Variants in SPDYE12 observed in about 807,000 individuals in gnomAD.
SPDYE12 encodes the protein speedy protein E12.
At chr7:74,904,812 A>G in the SPDYE12 span, among the ~76,000 whole-genome samples, 3 of 149,160 alleles carry the variant, frequency 2.0e-5, no homozygotes, top group Non-Finnish European at 3.0e-5. Context: ...AAATAAACAT[A>G]TTTAATAAAT....
chr7:74,907,918 T>C, the SPDYE12 span, among the ~76,000 whole-genome samples: 1 of 144,518 alleles, frequency 6.9e-6, no homozygotes, highest in African/African-American at 2.5e-5. Context: ...CAAGTCTGTC[T>C]CAAAAAAAAA....
At chr7:74,907,732 G>GATAAATAAATAAATAAAAAA in the SPDYE12 span, among the ~76,000 whole-genome samples, 1 of 131,640 alleles carries the variant, frequency 7.6e-6, no homozygotes, top group Non-Finnish European at 1.6e-5. Context: ...CTCTTGTCTT[G>GATAAATAAATAAATAAAAAA]ATAAATAAAT....
the SPDYE12 span, among the ~76,000 whole-genome samples, chr7:74,914,916 T>C: frequency 3.4e-4 from 36 of 105,280 alleles, no homozygotes; most frequent in African/African-American, 1.0e-3. Context: ...AGAGCAAAAC[T>C]ACATCTCAAA....
At chr7:74,909,032 G>GTTTTTTTTTTTTTTTTT in the SPDYE12 span, among the ~76,000 whole-genome samples, 16 of 30,354 alleles carry the variant, frequency 5.3e-4, no homozygotes, top group Non-Finnish European at 7.4e-4. Flanking sequence ...TTTTTTGCCT[G>GTTTTTTTTTTTTTTTTT]GTTTTTTTTT....
At chr7:74,915,067 A>G in the SPDYE12 span, among the ~76,000 whole-genome samples, 3 of 152,026 alleles carry the variant, frequency 2.0e-5, no homozygotes, top group Admixed American at 2.0e-4. Flanking sequence ...TTGCTGTGGA[A>G]GTCCCATTGT....
At chr7:74,910,209 G>A in the SPDYE12 span, among the ~76,000 whole-genome samples, 517 of 141,138 alleles carry the variant, frequency 3.7e-3, 13 homozygotes, top group East Asian at 0.039. Context: ...CTGTTTCTAC[G>A]AAGGTTTCAA....
the SPDYE12 span, among the ~76,000 whole-genome samples, chr7:74,904,997 A>G: frequency 1.4e-5 from 2 of 142,312 alleles, no homozygotes; most frequent in Non-Finnish European, 3.0e-5. Context: ...AAAAATTTCT[A>G]TCACCAGAAT....
chr7:74,914,936 CAA>C, the SPDYE12 span, among the ~76,000 whole-genome samples: 1 of 94,646 alleles, frequency 1.1e-5, no homozygotes, highest in African/African-American at 2.8e-5. Context: ...AAAAAAAAAA[CAA>C]AAAAAAAACA....
At chr7:74,914,944 A>G in the SPDYE12 span, among the ~76,000 whole-genome samples, 1 of 145,268 alleles carries the variant, frequency 6.9e-6, no homozygotes, top group Non-Finnish European at 1.5e-5. Context: ...AACAAAAAAA[A>G]AACAAAAAGA....
chr7:74,914,919 A>G, the SPDYE12 span, among the ~76,000 whole-genome samples: 164 of 100,256 alleles, frequency 1.6e-3, no homozygotes, highest in Non-Finnish European at 1.2e-3. Flanking sequence ...GCAAAACTAC[A>G]TCTCAAAAAA....
the SPDYE12 span, among the ~76,000 whole-genome samples, chr7:74,914,938 A>G: frequency 9.7e-3 from 936 of 96,904 alleles, no homozygotes; most frequent in South Asian, 0.023. Flanking sequence ...AAAAAAAACA[A>G]AAAAAAAACA....
At chr7:74,910,736 T>G in the SPDYE12 span, 5 of 1,411,566 alleles carry the variant, frequency 3.5e-6, no homozygotes, top group South Asian at 5.8e-5. Flanking sequence ...TAGGAGCATC[T>G]GGTGGGAGGT....
At chr7:74,915,073 A>G in the SPDYE12 span, among the ~76,000 whole-genome samples, 1 of 152,032 alleles carries the variant, frequency 6.6e-6, no homozygotes, top group Non-Finnish European at 1.5e-5. Context: ...TGGAAGTCCC[A>G]TTGTTAGGAA....
chr7:74,908,606 C>G, the SPDYE12 span, among the ~76,000 whole-genome samples: 2 of 143,704 alleles, frequency 1.4e-5, no homozygotes, highest in Non-Finnish European at 3.0e-5. Flanking sequence ...GTCCGCTCCT[C>G]CGCTCCTTTT....
At chr7:74,914,522 G>A in the SPDYE12 span, among the ~76,000 whole-genome samples, 21 of 137,960 alleles carry the variant, frequency 1.5e-4, no homozygotes, top group African/African-American at 5.1e-4. Flanking sequence ...AGCTGTGATC[G>A]TGACACCGCA....
chr7:74,909,713 G>C, the SPDYE12 span: 16 of 1,498,518 alleles, frequency 1.1e-5, 1 homozygote, highest in African/African-American at 5.5e-5. Context: ...CATCAGAGAA[G>C]GGACCTCAGC....
the SPDYE12 span, among the ~76,000 whole-genome samples, chr7:74,912,770 C>CTTTT: frequency 0.012 from 130 of 11,248 alleles, 28 homozygotes; most frequent in Middle Eastern, 0.12. Context: ...TTTTTTTCTT[C>CTTTT]TTTTTTTTTT....
the SPDYE12 span, among the ~76,000 whole-genome samples, chr7:74,906,195 T>C: frequency 7.1e-6 from 1 of 140,372 alleles, no homozygotes; most frequent in Non-Finnish European, 1.5e-5. Context: ...TAATCCTCCC[T>C]CCTCATGACA....
At chr7:74,910,021 A>G in the SPDYE12 span, among the ~76,000 whole-genome samples, 1 of 150,988 alleles carries the variant, frequency 6.6e-6, no homozygotes, top group Non-Finnish European at 1.5e-5. Context: ...GGGGCCACTC[A>G]TTCACTCTGC....
Sources: gnomAD v4.1 joint callset for allele counts (sites outside exome capture counted in the v4.1 genomes callset) on GRCh38, gnomAD v4.1.1 for gene constraint, MANE v1.5 for transcripts, NCBI Gene and HGNC (gene_info 2026-07-23, HGNC 2026-07-21) for gene names.